DYNC2H1: variants seen among roughly 807,000 people sequenced by gnomAD.
DYNC2H1 encodes cytoplasmic dynein 2 heavy chain 1.
A neutral mutation model predicts 570.0 loss-of-function variants in DYNC2H1; 410 were observed. That is an observed-to-expected ratio of 0.72 (90% CI 0.66 to 0.78). The LOEUF (loss-of-function observed/expected upper bound fraction) is 0.78, where lower values mean the gene tolerates loss of function less well. Ranked by LOEUF, DYNC2H1 falls within the 30% of genes least tolerant of loss-of-function variation. The pLI, the probability that DYNC2H1 is intolerant of heterozygous loss-of-function variation, is 0.00. For missense variants in DYNC2H1, 4,865 were observed against 5,046.4 expected, an observed-to-expected ratio of 0.96 and a Z score of 1.09; for synonymous variants, 1,688 against 1,677.6, an observed-to-expected ratio of 1.01 and a Z score of -0.15.
At chr11:103,348,208 T>A (rs1317710105) in intron 82 of DYNC2H1, among the ~76,000 whole-genome samples, 1 of 152,198 alleles carries the variant, frequency 6.6e-6, no homozygotes, top group African/African-American at 2.4e-5. Flanking sequence ...AGTGTTTAAC[T>A]GACCCTAGCC....
Position 103,174,078 on chromosome 11 carries a change from A to T in DYNC2H1, c.5582A>T (p.His1861Leu). 6.3e-7 allele frequency: 1 copy of T among 1,588,836 alleles called. No individual in the cohort carries two copies. The highest frequency in any genetic ancestry group is 8.6e-7 in the Non-Finnish European group (1 of 1,166,176). The change falls in exon 36 of 89, where the codon CAT (histidine) becomes CTT (leucine). Residue 1861 changes from histidine (H) to leucine (L), a missense_variant. Physicochemically the swap from His to Leu is moderately conservative, Grantham distance 99 (BLOSUM62 -3). Transcript: ENST00000375735. ...LSRELLTPQQ[H>L]YDWGLRALKT... ...AGGGAACTTTTGACACCTCAGCAACATTATGATTGGGGTTTGAGAGCTTTG... is the reference window on the plus strand; with the variant it reads ...AGGGAACTTTTGACACCTCAGCAACTTTATGATTGGGGTTTGAGAGCTTTG...
Position 103,114,142 on chromosome 11 carries a change from A to G in DYNC2H1, c.406A>G (p.Asn136Asp). The G allele has an allele frequency of 1.2e-6, 2 of 1,610,232 alleles. No individual in the cohort carries two copies. The highest frequency in any genetic ancestry group is 2.2e-5 in the South Asian group (2 of 90,202). The change falls in exon 3 of 89, where the codon AAT becomes GAT. Residue 136 changes from asparagine to aspartate, a missense_variant. Asn to Asp is a conservative substitution (Grantham distance 23). This residue lies in a region of DYNC2H1 where 1,936 missense variants were observed against 1,962.1 expected (regional missense o/e 0.99). Transcript: ENST00000375735. ...WSRNFDPKLQ[N>D]LLSELEAGLG... ...CAGAAACTTTGATCCCAAACTTCAG[A>G]ATCTTTTGAGTGAACTAGAAGCTGG...
chr11:103,152,093 A>C (rs933426092), intron 20 of DYNC2H1, 43 bp from the exon 21 acceptor site: 1 of 1,478,978 alleles, frequency 6.8e-7, no homozygotes, highest in Non-Finnish European at 9.1e-7. Context: ...GATTTGATAA[A>C]ATAGGTTGTT....
In DYNC2H1 at chr11:103,186,384, C is replaced by T. The variant is rs2135029092; in HGVS notation, c.6776C>T (p.Thr2259Ile). The T allele has an allele frequency of 2.5e-6, 4 of 1,612,862 alleles. No homozygotes were observed. The highest frequency in any genetic ancestry group is 4.5e-5 in the East Asian group (2 of 44,808). ...LTADDFSNGL[T>I]LPVIQTPDMQ... ...GCTGATGATTTCAGTAACGGCTTAA[C>T]TCTTCCAGTCATTCAGACTCCTGAC... Residue 2259 changes from threonine to isoleucine, a missense_variant, in exon 42 of 89, where the codon ACT becomes ATT. By Grantham distance (89) the Thr-to-Ile change is moderately conservative. Around this residue, in one of 5 missense-constraint regions of DYNC2H1, gnomAD observed 2,401 missense variants for 2,454.6 expected, o/e 0.98. Transcript: ENST00000375735. This position sits in a 1 kb window ranked among gnomAD's most constrained non-coding sequence, Gnocchi z 4.5.
At chr11:103,422,228 C>T (rs1210073096) in intron 84 of DYNC2H1, among the ~76,000 whole-genome samples, 1 of 152,002 alleles carries the variant, frequency 6.6e-6, no homozygotes, top group Non-Finnish European at 1.5e-5. Context: ...AGGCCCAGGA[C>T]CAGATGGATT....
In DYNC2H1 at chr11:103,331,665, C is replaced by T. The variant is rs965059155; in HGVS notation, c.12039+7675C>T. Among the ~76,000 whole-genome samples, 19 of 152,222 alleles carry T rather than the reference C, an allele frequency of 1.2e-4. No individual in the cohort carries two copies. In the East Asian group the frequency reaches 3.7e-3, roughly 29 times the overall value. ...GTATATGAAAATGCAAGAAAAGGTA[C>T]CACTCCAAGAGACAGAACAATCCAG... On this transcript the variant is annotated intron_variant, in intron 82 of 88. Coordinates refer to ENST00000375735, the MANE Select transcript of DYNC2H1 (RefSeq NM_001377.3).
At position 103,168,967 on chromosome 11, in the gene DYNC2H1, G is replaced by A. The variant is rs186890804; in HGVS notation, c.4968+7G>A. The A allele has an allele frequency of 6.7e-5, 106 of 1,581,544 alleles. No individual in the cohort carries two copies. In the East Asian group the frequency reaches 2.3e-3, roughly 35 times the overall value. On this transcript the variant is annotated splice_region_variant and intron_variant, in intron 32 of 88. Transcript: ENST00000375735. ...GTATACTTATGAATATCAGGTATGA[G>A]TTGTGGCAGTGTTTTATATTTCCAA...
At chr11:103,115,019 A>G (rs1373927442) in intron 3 of DYNC2H1, among the ~76,000 whole-genome samples, 158 bp from the exon 4 acceptor site, 3 of 152,214 alleles carry the variant, frequency 2.0e-5, no homozygotes, top group Non-Finnish European at 4.4e-5. Context: ...CTTTGTTTAT[A>G]GTATGAAATA....
At chr11:103,141,585 C>T (rs567090555) in intron 17 of DYNC2H1, among the ~76,000 whole-genome samples, 95 of 152,312 alleles carry the variant, frequency 6.2e-4, no homozygotes, top group South Asian at 2.5e-3. Flanking sequence ...GAGGAGTACC[C>T]GGCCGTCTGA....
chr11:103,178,121 TC>T (rs942150598), intron 38 of DYNC2H1, among the ~76,000 whole-genome samples: 5 of 152,128 alleles, frequency 3.3e-5, no homozygotes, highest in African/African-American at 1.2e-4. Flanking sequence ...TTATACTGCC[TC>T]AGAAATAAAC....
chr11:103,180,474 G>A (rs1861805759), intron 39 of DYNC2H1, among the ~76,000 whole-genome samples: 1 of 151,592 alleles, frequency 6.6e-6, no homozygotes, highest in South Asian at 2.1e-4. Flanking sequence ...GTTGAAAATT[G>A]TTGGTGAATC....
rs1162413549 is a variant in DYNC2H1 at position 103,163,891 on chromosome 11, T to C, written c.4611+744T>C. Among the ~76,000 whole-genome samples, 2 of 152,190 alleles carry C rather than the reference T, an allele frequency of 1.3e-5. No individual in the cohort carries two copies. The highest frequency in any genetic ancestry group is 3.9e-4 in the East Asian group (2 of 5,190). On this transcript the variant is annotated intron_variant, in intron 30 of 88. Transcript: ENST00000375735. This position sits in a 1 kb window ranked among gnomAD's most constrained non-coding sequence, Gnocchi z 4.6. The stretch of plus-strand genomic sequence containing the variant: ...CAAATAAAAAAAAATGTAGTGGCTA[T>C]TGGAACAGGTTTTTATGTTGATTTT...
rs1862006803 is a variant in DYNC2H1 at position 103,184,935 on chromosome 11, A to G, written c.6517A>G (p.Met2173Val). The change falls in exon 41 of 89, where the codon ATG becomes GTG. Residue 2173 changes from methionine to valine, a missense_variant. Met to Val is a conservative substitution (Grantham distance 21). Transcript: ENST00000375735. ...AGAAACAAGTTTGGTTGGGACTGTGATGAATGGTTTGTCACATCTACATGG... is the reference window on the plus strand; with the variant it reads ...AGAAACAAGTTTGGTTGGGACTGTGGTGAATGGTTTGTCACATCTACATGG... Reference protein sequence around the residue: ...VVETSLVGTVMNGLSHLHGCR... With the variant: ...VVETSLVGTVVNGLSHLHGCR... 6.2e-7 allele frequency: 1 copy of G among 1,611,028 alleles called. No homozygotes were observed. Among genetic ancestry groups the G allele is most frequent in the Admixed American group, 1.7e-5 (1 of 59,810 alleles).
intron 83 of DYNC2H1, among the ~76,000 whole-genome samples, chr11:103,362,956 G>A (rs1262149617): frequency 3.3e-5 from 5 of 152,152 alleles, no homozygotes; most frequent in East Asian, 1.9e-4. Flanking sequence ...ACCTGAACCC[G>A]GGAGACAGAG....
In DYNC2H1 at chr11:103,181,753, T is replaced by G. The variant is rs1306259222; in HGVS notation, c.6348-4T>G. On this transcript the variant is annotated splice_polypyrimidine_tract_variant and splice_region_variant and intron_variant, in intron 39 of 88. Transcript: ENST00000375735. The surrounding 1 kb of genome is among the most constrained non-coding windows in gnomAD (Gnocchi z 5.0). Reference sequence around the variant, plus strand: ...TAATTTTTTATTTGTCTAAACTGTTTCAGTGATGAAGAGACAGATCTTAAT... The same window carrying G: ...TAATTTTTTATTTGTCTAAACTGTTGCAGTGATGAAGAGACAGATCTTAAT... 5 of 1,550,884 alleles carry G rather than the reference T, an allele frequency of 3.2e-6. No individual in the cohort carries two copies. In the East Asian group the frequency reaches 1.2e-4, roughly 37 times the overall value.
chr11:103,171,135 A>C (rs915966893), intron 34 of DYNC2H1, 67 bp downstream of exon 34: 2 of 1,263,312 alleles, frequency 1.6e-6, no homozygotes, highest in African/African-American at 3.0e-5. Flanking sequence ...CTCATACTTA[A>C]GCAATATTCT....
intron 83 of DYNC2H1, among the ~76,000 whole-genome samples, chr11:103,380,463 G>C (rs542046554): frequency 6.6e-6 from 1 of 152,168 alleles, no homozygotes; most frequent in African/African-American, 2.4e-5. Flanking sequence ...AAAGAGTACA[G>C]GTATTACAGT....
At chr11:103,140,451 T>C (rs565809279) in intron 17 of DYNC2H1, among the ~76,000 whole-genome samples, 1 of 152,138 alleles carries the variant, frequency 6.6e-6, no homozygotes, top group African/African-American at 2.4e-5. Flanking sequence ...TAAAGTATTT[T>C]ATTTCTCCTT....
At position 103,170,877 on chromosome 11, in the gene DYNC2H1, G is replaced by T. The variant is rs368808653; in HGVS notation, c.5152-9G>T. On this transcript the variant is annotated splice_polypyrimidine_tract_variant and intron_variant, in intron 33 of 88. Transcript: ENST00000375735. The surrounding 1 kb of genome is among the most constrained non-coding windows in gnomAD (Gnocchi z 4.8). ...TTTAATGACTATAATTTTTATTGTT[G>T]TTTTTAAGGGCATCGATGTGAAGTC... 17 of 1,465,780 alleles carry T rather than the reference G, an allele frequency of 1.2e-5. No homozygotes were observed. Among genetic ancestry groups the T allele is most frequent in the East Asian group, 2.4e-5 (1 of 42,436 alleles). 90.8% of individuals were successfully genotyped at this position (1,465,780 alleles called of 1,614,324 possible). A position where few individuals can be genotyped will look rare whatever the true frequency, so the allele number is the denominator to read the frequency against.
Sources: gnomAD v4.1 joint callset for allele counts (sites outside exome capture counted in the v4.1 genomes callset) on GRCh38, gnomAD v4.1.1 for gene constraint, gnomAD v4.1.1 regional missense constraint, Gnocchi (gnomAD v3.1) non-coding constraint, MANE v1.5 for transcripts, NCBI Gene and HGNC (gene_info 2026-07-23, HGNC 2026-07-21) for gene names.